The following TMEM135 variants were observed in gnomAD, a reference collection of about 807,000 sequenced individuals.
The protein encoded by TMEM135 is peroxisomal membrane protein 52.
In TMEM135, 30 loss-of-function variants were observed where a neutral mutation model predicts 60.3. That is an observed-to-expected ratio of 0.50 (90% CI 0.37 to 0.68). The LOEUF (loss-of-function observed/expected upper bound fraction) is 0.68, where lower values mean the gene tolerates loss of function less well. Ranked by LOEUF, TMEM135 falls within the 30% of genes least tolerant of loss-of-function variation. The pLI is 0.00. For synonymous variants in TMEM135, 190 were observed against 186.7 expected, an observed-to-expected ratio of 1.02 and a Z score of -0.14; for missense variants, 468 against 548.8, an observed-to-expected ratio of 0.85 and a Z score of 1.47.
At chr11:87,171,631 A>G (rs1366803040) in intron 5 of TMEM135, among the ~76,000 whole-genome samples, 2 of 152,172 alleles carry the variant, frequency 1.3e-5, no homozygotes, top group Admixed American at 6.6e-5. Flanking sequence ...TCAGCTTTAT[A>G]CTTCAGAAAA....
At chr11:87,166,451 G>A (rs182668524) in intron 5 of TMEM135, among the ~76,000 whole-genome samples, 1 of 151,788 alleles carries the variant, frequency 6.6e-6, no homozygotes, top group African/African-American at 2.4e-5. Flanking sequence ...TTACGTTTAA[G>A]TCTTTAATCC....
At chr11:87,233,457 A>G (rs1200106904) in intron 5 of TMEM135, among the ~76,000 whole-genome samples, 1 of 152,130 alleles carries the variant, frequency 6.6e-6, no homozygotes, top group Non-Finnish European at 1.5e-5. Context: ...TGGAATTACC[A>G]TCCAACAAAT....
At chr11:87,216,354 C>CT (rs372292618) in intron 5 of TMEM135, among the ~76,000 whole-genome samples, 42 of 149,404 alleles carry the variant, frequency 2.8e-4, no homozygotes, top group African/African-American at 5.6e-4. Flanking sequence ...GCCTCTGAAC[C>CT]TTTTTTTTTT....
chr11:87,074,740 G>A (rs79309632), intron 3 of TMEM135, among the ~76,000 whole-genome samples: 2,377 of 152,176 alleles, frequency 0.016, 65 homozygotes, highest in African/African-American at 0.053. Flanking sequence ...TTACTCCTGA[G>A]TACTTCAGCA....
intron 6 of TMEM135, among the ~76,000 whole-genome samples, chr11:87,243,246 G>C (rs1393609791): frequency 7.4e-6 from 1 of 135,738 alleles, no homozygotes; most frequent in Non-Finnish European, 1.6e-5. Flanking sequence ...TGCTGTTTTG[G>C]TTACTGTAGC....
chr11:87,174,790 G>A (rs914990348), intron 5 of TMEM135, among the ~76,000 whole-genome samples: 7 of 152,106 alleles, frequency 4.6e-5, no homozygotes, highest in Non-Finnish European at 8.8e-5. Context: ...TAACATTGAT[G>A]AGGGGAAAAA....
In TMEM135 at chr11:87,327,369, C is replaced by T. The variant is rs1942928423; in HGVS notation, c.*6036C>T. ...TGAAAAACCAGCATATTAAAGATGC[C>T]AGGTCAGAAAAATAGAAAGAACCTG... On this transcript the variant is annotated 3_prime_UTR_variant, in exon 15 of 15. Transcript: ENST00000305494. 3 of 453,718 alleles carry T rather than the reference C, an allele frequency of 6.6e-6. No individual in the cohort carries two copies. The highest frequency in any genetic ancestry group is 1.3e-5 in the Non-Finnish European group (3 of 226,740). The allele number at this position is 453,718 out of a possible 1,614,324, so 28.1% of individuals were successfully genotyped here. A position where few individuals can be genotyped will look rare whatever the true frequency, so the allele number is the denominator to read the frequency against.
Position 87,134,446 on chromosome 11 carries a change from G to T in TMEM135, c.397-22895G>T, listed in dbSNP as rs192833826. On this transcript the variant is annotated intron_variant, in intron 4 of 14. Coordinates refer to ENST00000305494, the MANE Select transcript of TMEM135 (RefSeq NM_022918.4). The stretch of plus-strand genomic sequence containing the variant: ...GTGCACAATAAAGCTCACAGTGGAG[G>T]TTATATGGAGAGCACATGTCTAGTA... 1.8e-3 allele frequency among the ~76,000 whole-genome samples: 276 copies of T among 152,256 alleles called. 1 individual carries two copies. The highest frequency in any genetic ancestry group is 6.5e-3 in the African/African-American group (268 of 41,544).
At chr11:87,289,254 G>A (rs930502380) in intron 6 of TMEM135, among the ~76,000 whole-genome samples, 1 of 151,870 alleles carries the variant, frequency 6.6e-6, no homozygotes, top group Non-Finnish European at 1.5e-5. Flanking sequence ...TGGGTAATTG[G>A]CATATCTGTA....
intron 5 of TMEM135, among the ~76,000 whole-genome samples, chr11:87,217,462 A>G: frequency 6.6e-6 from 1 of 152,208 alleles, no homozygotes; most frequent in Non-Finnish European, 1.5e-5. Context: ...AGAACTGACC[A>G]AAAATGGATT....
intron 5 of TMEM135, among the ~76,000 whole-genome samples, chr11:87,180,584 A>G (rs952883959): frequency 2.0e-5 from 3 of 152,150 alleles, no homozygotes; most frequent in African/African-American, 7.2e-5. Flanking sequence ...AACTTTTTCA[A>G]GGAGATGAAA....
chr11:87,124,191 A>C (rs544227240), intron 4 of TMEM135, among the ~76,000 whole-genome samples: 68 of 152,162 alleles, frequency 4.5e-4, no homozygotes, highest in Non-Finnish European at 7.1e-4. Flanking sequence ...GCTTAAGATA[A>C]AAAAATAGGA....
intron 6 of TMEM135, among the ~76,000 whole-genome samples, chr11:87,273,989 A>C (rs1941920508): frequency 7.4e-6 from 1 of 134,916 alleles, no homozygotes; most frequent in Non-Finnish European, 1.7e-5. Flanking sequence ...TAGCAAAAAT[A>C]AATGAAACTT....
chr11:87,307,341 T>G (rs1942566677), intron 9 of TMEM135, among the ~76,000 whole-genome samples: 1 of 150,226 alleles, frequency 6.7e-6, no homozygotes, highest in African/African-American at 2.5e-5. Flanking sequence ...TTTCTGACAC[T>G]CTTTCCAAAT....
chr11:87,103,347 T>C (rs1857506843), intron 4 of TMEM135, among the ~76,000 whole-genome samples: 3 of 152,214 alleles, frequency 2.0e-5, no homozygotes, highest in Non-Finnish European at 4.4e-5. Context: ...GCCAACACTT[T>C]GTTATCTTTT....
Position 87,243,208 on chromosome 11 carries a change from C to G in TMEM135, c.509+6524C>G, listed in dbSNP as rs1385849307. Among the ~76,000 whole-genome samples the G allele has an allele frequency of 6.9e-5, 7 of 101,734 alleles. 2 individuals are homozygous for G. The highest frequency in any genetic ancestry group is 1.6e-4 in the Non-Finnish European group (7 of 44,822). The allele number at this position is 101,734 out of a possible 152,430, so 66.7% of individuals were successfully genotyped here. On this transcript the variant is annotated intron_variant, in intron 6 of 14. Transcript: ENST00000305494. ...GAGGGCTCTGTTCTGTTCCATCGAT[C>G]TATATCTCTGTTTTGGTACCAGTAC...
chr11:87,222,458 C>T (rs995403605), intron 5 of TMEM135, among the ~76,000 whole-genome samples: 6 of 146,238 alleles, frequency 4.1e-5, no homozygotes, highest in Non-Finnish European at 7.5e-5. Flanking sequence ...GAGATCGCAC[C>T]ACTGCACTCC....
chr11:87,192,107 G>A (rs1189176144), intron 5 of TMEM135, among the ~76,000 whole-genome samples: 4 of 146,250 alleles, frequency 2.7e-5, no homozygotes, highest in Non-Finnish European at 6.0e-5. Context: ...TCAGCCTCCC[G>A]AGTAGCTGGG....
chr11:87,264,131 A>G (rs1468336573), intron 6 of TMEM135, among the ~76,000 whole-genome samples: 1 of 151,910 alleles, frequency 6.6e-6, no homozygotes, highest in Non-Finnish European at 1.5e-5. Flanking sequence ...AAATATTTCT[A>G]ATTAGTGCTG....
Sources: gnomAD v4.1 joint callset for allele counts (sites outside exome capture counted in the v4.1 genomes callset) on GRCh38, gnomAD v4.1.1 for gene constraint, MANE v1.5 for transcripts, NCBI Gene and HGNC (gene_info 2026-07-23, HGNC 2026-07-21) for gene names.